KCNB2: variants seen among roughly 807,000 people sequenced by gnomAD.
KCNB2 encodes the protein delayed rectifier potassium channel protein.
A neutral mutation model predicts 61.5 loss-of-function variants in KCNB2; 15 were observed. The observed-to-expected ratio is 0.24, with a 90% confidence interval of 0.16 to 0.38. The LOEUF (loss-of-function observed/expected upper bound fraction) is 0.38. Among genes scored for constraint, KCNB2 ranks in the 10% least tolerant of loss-of-function variants. KCNB2 has a pLI of 1.00. For synonymous variants in KCNB2, 457 were observed against 446.0 expected (o/e 1.02, Z -0.31); for missense variants, 828 against 1,125.2 (o/e 0.74, Z 3.78).
intron 2 of KCNB2, among the ~76,000 whole-genome samples, chr8:72,585,276 G>A (rs557742305): frequency 6.6e-6 from 1 of 152,268 alleles, no homozygotes; most frequent in African/African-American, 2.4e-5. Flanking sequence ...GAATTGCCAG[G>A]AATTCCCTAG....
chr8:72,637,963 C>T (rs993109837), intron 2 of KCNB2, among the ~76,000 whole-genome samples: 5 of 152,122 alleles, frequency 3.3e-5, no homozygotes, highest in Non-Finnish European at 5.9e-5. Context: ...GTGTTTCCTT[C>T]CTCCTCCTCT....
chr8:72,738,715 G>T (rs1361699233), intron 2 of KCNB2, among the ~76,000 whole-genome samples: 3 of 152,098 alleles, frequency 2.0e-5, no homozygotes, highest in African/African-American at 7.2e-5. Context: ...AAGATTAATT[G>T]GTTGCTGAGA....
At chr8:72,694,899 T>G (rs953621878) in intron 2 of KCNB2, among the ~76,000 whole-genome samples, 1 of 151,956 alleles carries the variant, frequency 6.6e-6, no homozygotes, top group Non-Finnish European at 1.5e-5. Context: ...GTTCAATTTA[T>G]TGAACTCTAT....
rs79942936 is a variant in KCNB2, at chr8:72,743,531, C to T, written c.579+175218C>T. ...TATTGGATGGCAGTTTAAAAGGGATCGCAGCTAGTTAAATTTAGGGTGTTG... is the reference window on the plus strand; with the variant it reads ...TATTGGATGGCAGTTTAAAAGGGATTGCAGCTAGTTAAATTTAGGGTGTTG... On this transcript the variant is annotated intron_variant, in intron 2 of 2. Transcript: ENST00000523207. Among the ~76,000 whole-genome samples, 482 of 152,294 alleles carry T rather than the reference C, an allele frequency of 3.2e-3. 7 individuals are homozygous for T. The East Asian group carries it at 0.069, about 22-fold the overall frequency.
In KCNB2 at chr8:72,936,951, A is replaced by G. The variant is rs1315699460; in HGVS notation, c.1596A>G (p.Pro532=). ...TGAACAACACGTCTTCCTCCAGCCC[A>G]CAGCATCTGAGTGCCCAGAAACTGG... is the stretch of plus-strand genomic sequence containing the variant. ...EQLNNTSSSS[P]QHLSAQKLEM... The change falls in exon 3 of 3, where the codon CCA becomes CCG. Residue 532 remains proline, a synonymous_variant. Transcript: ENST00000523207. The surrounding 1 kb of genome is among the most constrained non-coding windows in gnomAD (Gnocchi z 5.6). 6.2e-7 allele frequency: 1 copy of G among 1,614,210 alleles called. No homozygotes were observed. The highest frequency in any genetic ancestry group is 8.5e-7 in the Non-Finnish European group (1 of 1,180,036).
chr8:72,577,893 A>G (rs1806823254), intron 2 of KCNB2, among the ~76,000 whole-genome samples: 1 of 152,184 alleles, frequency 6.6e-6, no homozygotes, highest in Non-Finnish European at 1.5e-5. Context: ...CTAGAGCTCA[A>G]TTTGGAATAC....
At chr8:72,786,879 A>C (rs774676970) in intron 2 of KCNB2, among the ~76,000 whole-genome samples, 2 of 152,190 alleles carry the variant, frequency 1.3e-5, no homozygotes, top group South Asian at 4.1e-4. Context: ...TCTTCTCATT[A>C]TGTCTGCAGA....
At position 72,885,685 on chromosome 8, in the gene KCNB2, T is replaced by C. The variant is rs188682541; in HGVS notation, c.580-50250T>C. On this transcript the variant is annotated intron_variant, in intron 2 of 2. Coordinates refer to ENST00000523207, the MANE Select transcript of KCNB2 (RefSeq NM_004770.3). ...ATATTATTTCTATTACTGTGTCTACTTCTCCACCTCTCTTCCCTCCCTCTT... is the reference window on the plus strand; with the variant it reads ...ATATTATTTCTATTACTGTGTCTACCTCTCCACCTCTCTTCCCTCCCTCTT... Among the ~76,000 whole-genome samples the C allele has an allele frequency of 2.6e-5, 4 of 152,280 alleles. No individual in the cohort carries two copies. The East Asian group carries it at 7.7e-4, about 29-fold the overall frequency.
At chr8:72,683,185 A>T (rs1806791360) in intron 2 of KCNB2, among the ~76,000 whole-genome samples, 1 of 152,200 alleles carries the variant, frequency 6.6e-6, no homozygotes, top group Admixed American at 6.5e-5. Context: ...AGGGATGTAA[A>T]AGACACAAGT....
chr8:72,703,616 G>A (rs374412719), intron 2 of KCNB2, among the ~76,000 whole-genome samples: 2 of 152,298 alleles, frequency 1.3e-5, no homozygotes, highest in African/African-American at 2.4e-5. Context: ...CTGGTTGCAT[G>A]TACTTTCAGA....
intron 2 of KCNB2, among the ~76,000 whole-genome samples, chr8:72,832,034 T>G (rs1809706943): frequency 3.9e-5 from 6 of 152,212 alleles, no homozygotes; most frequent in Admixed American, 3.9e-4. Context: ...AATATAAACA[T>G]TATTTGGCTG....
At chr8:72,845,736 C>T (rs1809978494) in intron 2 of KCNB2, among the ~76,000 whole-genome samples, 2 of 151,718 alleles carry the variant, frequency 1.3e-5, no homozygotes, top group African/African-American at 2.4e-5. Context: ...TTGATTACAC[C>T]GTGAGGGGAA....
intron 2 of KCNB2, among the ~76,000 whole-genome samples, chr8:72,682,889 G>A (rs1182550687): frequency 6.6e-6 from 1 of 152,208 alleles, no homozygotes; most frequent in African/African-American, 2.4e-5. Context: ...TTATAGGCAT[G>A]AGCCACCATG....
chr8:72,937,600 C>T lies in KCNB2; in HGVS notation c.2245C>T (p.Pro749Ser), dbSNP rs143326877. ...VTTADFSLTT[P>S]QHISTILLEE... ...CACAGCTGACTTTTCGCTCACTACC[C>T]CGCAGCACATCAGTACCATCCTCTT... is the stretch of plus-strand genomic sequence containing the variant. The change falls in exon 3 of 3, where the codon CCG becomes TCG. Residue 749 changes from proline to serine, a missense_variant. Around this residue, in one of 4 missense-constraint regions of KCNB2, gnomAD observed 559 missense variants for 588.4 expected, o/e 0.95. Coordinates refer to ENST00000523207, the MANE Select transcript of KCNB2 (RefSeq NM_004770.3). 1 of 1,614,042 alleles carries T rather than the reference C, an allele frequency of 6.2e-7. No individual in the cohort carries two copies. Among genetic ancestry groups the T allele is most frequent in the Non-Finnish European group, 8.5e-7 (1 of 1,180,008 alleles).
At chr8:72,627,777 C>A (rs1377419590) in intron 2 of KCNB2, among the ~76,000 whole-genome samples, 1 of 152,216 alleles carries the variant, frequency 6.6e-6, no homozygotes, top group Non-Finnish European at 1.5e-5. Context: ...TTCATAATGA[C>A]TTACTAACTG....
chr8:72,726,106 G>T (rs1375883767), intron 2 of KCNB2, among the ~76,000 whole-genome samples: 2 of 152,194 alleles, frequency 1.3e-5, no homozygotes, highest in African/African-American at 4.8e-5. Flanking sequence ...AGTTGGAGAT[G>T]GGACTTTTAA....
chr8:72,697,115 T>C (rs1010494649), intron 2 of KCNB2, among the ~76,000 whole-genome samples: 7 of 152,182 alleles, frequency 4.6e-5, no homozygotes, highest in African/African-American at 1.4e-4. Flanking sequence ...TTTCAAAGCC[T>C]ATAATCAAAC....
chr8:72,634,895 C>T (rs1221537884), intron 2 of KCNB2, among the ~76,000 whole-genome samples: 2 of 152,206 alleles, frequency 1.3e-5, no homozygotes, highest in African/African-American at 4.8e-5. Flanking sequence ...TAAAATATTC[C>T]CTTCCTTCAT....
intron 2 of KCNB2, among the ~76,000 whole-genome samples, chr8:72,899,184 A>G (rs1484035350): frequency 6.6e-6 from 1 of 152,084 alleles, no homozygotes; most frequent in Non-Finnish European, 1.5e-5. Context: ...CTTCAATAAA[A>G]CCCAATATCC....
Sources: allele counts gnomAD v4.1 joint callset (sites outside exome capture counted in the v4.1 genomes callset), GRCh38; gene constraint gnomAD v4.1.1; regional missense constraint gnomAD v4.1.1; non-coding constraint Gnocchi (gnomAD v3.1); transcripts MANE v1.5; gene names NCBI Gene and HGNC (gene_info 2026-07-23, HGNC 2026-07-21).